SGCD: variants seen among roughly 807,000 people sequenced by gnomAD.
SGCD encodes delta-sarcoglycan.
Under a neutral mutation model 36.6 loss-of-function variants are expected in SGCD, and 18 were observed. The ratio of observed to expected loss-of-function variants is 0.49; its 90% CI spans 0.34 to 0.73. The LOEUF is 0.73. Among genes scored for constraint, SGCD ranks in the 30% least tolerant of loss-of-function variants. SGCD has a pLI of 0.01. For missense variants in SGCD, 387 were observed against 346.7 expected, an observed-to-expected ratio of 1.12 and a Z score of -0.92; for synonymous variants, 133 against 130.6, an observed-to-expected ratio of 1.02 and a Z score of -0.12.
At chr5:155,782,350 T>C in the SGCD span, among the ~76,000 whole-genome samples, 1 of 152,056 alleles carries the variant, frequency 6.6e-6, no homozygotes. Flanking sequence ...TTAATATACA[T>C]TTGGCTTTCA....
Position 156,278,289 on chromosome 5 carries a change from G to A in SGCD, c.-43-51245G>A, listed in dbSNP as rs150231255. On this transcript the variant is annotated intron_variant, in intron 3 of 9. Transcript: ENST00000517913. ...GCCTTGGGCATGTTCTAAAGGAGTG[G>A]AATGTTATTGAAGAGTGTCAGGAAA... Among the ~76,000 whole-genome samples, 424 of 152,238 alleles carry A rather than the reference G, an allele frequency of 2.8e-3. 3 individuals carry two copies. The highest frequency in any genetic ancestry group is 9.8e-3 in the African/African-American group (407 of 41,546).
At chr5:155,909,670 G>C (rs1756591512) in intron 1 of SGCD, among the ~76,000 whole-genome samples, 1 of 152,140 alleles carries the variant, frequency 6.6e-6, no homozygotes, top group African/African-American at 2.4e-5. Context: ...TCACTGTGCA[G>C]TTCTTCCAGG....
chr5:155,990,950 C>T (rs942267385), intron 1 of SGCD, among the ~76,000 whole-genome samples: 1 of 152,108 alleles, frequency 6.6e-6, no homozygotes, highest in African/African-American at 2.4e-5. Flanking sequence ...CAGCCATTCT[C>T]AATCCTGAGT....
the SGCD span, among the ~76,000 whole-genome samples, chr5:155,860,167 C>T: frequency 1.3e-5 from 2 of 152,186 alleles, no homozygotes; most frequent in African/African-American, 2.4e-5. Flanking sequence ...TTTTCTTCTC[C>T]CTTCTACCTG....
At chr5:155,787,019 T>A in the SGCD span, among the ~76,000 whole-genome samples, 1 of 152,160 alleles carries the variant, frequency 6.6e-6, no homozygotes, top group Non-Finnish European at 1.5e-5. Flanking sequence ...ACCATCAGAG[T>A]GCAAGCGGGC....
intron 3 of SGCD, among the ~76,000 whole-genome samples, chr5:156,132,711 G>A (rs1355650133): frequency 4.6e-5 from 7 of 151,382 alleles, no homozygotes; most frequent in Non-Finnish European, 8.8e-5. Flanking sequence ...CTCGTGATCC[G>A]CCCGCCTCGG....
At chr5:155,731,813 A>G in the SGCD span, among the ~76,000 whole-genome samples, 9 of 152,186 alleles carry the variant, frequency 5.9e-5, no homozygotes, top group African/African-American at 2.2e-4. Flanking sequence ...AGGGACCGGA[A>G]TGTGCTACTT....
At chr5:156,740,069 G>A (rs906153614) in intron 7 of SGCD, among the ~76,000 whole-genome samples, 1 of 152,190 alleles carries the variant, frequency 6.6e-6, no homozygotes, top group East Asian at 1.9e-4. Context: ...TGAGTCACAA[G>A]TGTTGCAGGA....
At chr5:155,805,878 A>G in the SGCD span, among the ~76,000 whole-genome samples, 3 of 152,222 alleles carry the variant, frequency 2.0e-5, no homozygotes, top group African/African-American at 4.8e-5. Flanking sequence ...GCAAACCTGA[A>G]GTAAGGTGTT....
chr5:155,971,368 A>G (rs1231991712), intron 1 of SGCD, among the ~76,000 whole-genome samples: 1 of 152,122 alleles, frequency 6.6e-6, no homozygotes, highest in Non-Finnish European at 1.5e-5. Flanking sequence ...AATCCAGAGG[A>G]GGCGACTAAT....
At chr5:156,489,356 A>G (rs185870666) in intron 3 of SGCD, among the ~76,000 whole-genome samples, 4 of 152,220 alleles carry the variant, frequency 2.6e-5, no homozygotes, top group African/African-American at 7.2e-5. Context: ...AGATTTAGAT[A>G]GTATTTCAGA....
chr5:156,016,712 C>T lies in SGCD; in HGVS notation c.-281-101166C>T, dbSNP rs545493230. On this transcript the variant is annotated intron_variant, in intron 1 of 9. Coordinates refer to the SGCD transcript ENST00000517913. ...TGTAACTTGGAACTCACTCTCCATG[C>T]ACTTCATGGAGATCTTCCTTATTCT... 9.2e-5 allele frequency among the ~76,000 whole-genome samples: 14 copies of T among 152,250 alleles called. No individual in the cohort carries two copies. The East Asian group carries it at 2.5e-3, about 27-fold the overall frequency.
chr5:156,303,561 C>T (rs914517891), intron 3 of SGCD, among the ~76,000 whole-genome samples: 3 of 150,860 alleles, frequency 2.0e-5, no homozygotes, highest in Non-Finnish European at 3.0e-5. Context: ...TCATGGTCAC[C>T]ATAGCTGGTA....
chr5:156,225,137 A>G (rs546443119), intron 3 of SGCD, among the ~76,000 whole-genome samples: 4 of 152,226 alleles, frequency 2.6e-5, no homozygotes, highest in African/African-American at 9.6e-5. Flanking sequence ...CCAATATGGC[A>G]CTACCTAGGT....
At chr5:156,369,550 T>G (rs553333583) in intron 3 of SGCD, among the ~76,000 whole-genome samples, 9 of 152,170 alleles carry the variant, frequency 5.9e-5, no homozygotes, top group Non-Finnish European at 8.8e-5. Context: ...TTAAAGGAGG[T>G]GCATGTGCCT....
chr5:155,917,326 G>A (rs1756766560), intron 1 of SGCD, among the ~76,000 whole-genome samples: 2 of 152,088 alleles, frequency 1.3e-5, no homozygotes, highest in Admixed American at 1.3e-4. Context: ...GTTAAACGAG[G>A]TTGAAGGTTG....
At chr5:156,149,328 G>T (rs1341290031) in intron 3 of SGCD, among the ~76,000 whole-genome samples, 1 of 152,120 alleles carries the variant, frequency 6.6e-6, no homozygotes, top group Non-Finnish European at 1.5e-5. Flanking sequence ...TCACCCTATT[G>T]TGCTATCAAA....
intron 1 of SGCD, among the ~76,000 whole-genome samples, chr5:155,898,399 A>G (rs942059775): frequency 6.6e-6 from 1 of 152,288 alleles, no homozygotes; most frequent in African/African-American, 2.4e-5. Context: ...TCTCAGCTGG[A>G]TAGTATGCTA....
At chr5:156,171,960 A>C (rs1343106274) in intron 3 of SGCD, among the ~76,000 whole-genome samples, 1 of 152,136 alleles carries the variant, frequency 6.6e-6, no homozygotes, top group Non-Finnish European at 1.5e-5. Context: ...TGGTGAGGAA[A>C]CTAAGGTTAG....
Sources: gnomAD v4.1 joint callset for allele counts (sites outside exome capture counted in the v4.1 genomes callset) on GRCh38, gnomAD v4.1.1 for gene constraint, MANE v1.5 for transcripts, NCBI Gene and HGNC (gene_info 2026-07-23, HGNC 2026-07-21) for gene names.